Variants in MYO16 observed in about 807,000 individuals in gnomAD.
The protein encoded by MYO16 is unconventional myosin-XVI.
In MYO16, 94 loss-of-function variants were observed where a neutral mutation model predicts 205.3. The ratio of observed to expected loss-of-function variants is 0.46; its 90% CI spans 0.39 to 0.54. MYO16 has a LOEUF of 0.54. MYO16 is among the 20% of genes least tolerant of loss of function. The pLI is 0.00. For synonymous variants in MYO16, 988 were observed against 954.0 expected (o/e 1.04, Z -0.66); for missense variants, 2,315 against 2,387.5 (o/e 0.97, Z 0.63).
intron 27 of MYO16, among the ~76,000 whole-genome samples, chr13:109,090,967 T>C (rs1349572996): frequency 6.6e-6 from 1 of 152,192 alleles, no homozygotes; most frequent in African/African-American, 2.4e-5. Context: ...GTTTTCTTGA[T>C]GTATGTCAGT....
Position 109,141,037 on chromosome 13 carries a change from T to C in MYO16, c.4825T>C (p.Tyr1609His), listed in dbSNP as rs1002607566. ...PPPPGPPPAPYRPCAHLAFPP... is the reference protein window; with the variant it reads ...PPPPGPPPAPHRPCAHLAFPP... ...CCCGCCCGGGCCGCCCCCCGCGCCC[T>C]ACAGGCCCTGCGCGCACTTGGCCTT... The change falls in exon 32 of 35, where the codon TAC (tyrosine) becomes CAC (histidine). Residue 1609 changes from tyrosine (Y) to histidine (H), a missense_variant. Transcript: ENST00000457511. This position sits in a 1 kb window ranked among gnomAD's most constrained non-coding sequence, Gnocchi z 4.1. 412 of 1,370,090 alleles carry C rather than the reference T, an allele frequency of 3.0e-4. No individual in the cohort carries two copies. The highest frequency in any genetic ancestry group is 3.6e-4 in the Non-Finnish European group (387 of 1,069,552). 84.9% of individuals were successfully genotyped at this position (1,370,090 alleles called of 1,614,324 possible).
In MYO16 at chr13:108,608,583, A is replaced by G. The variant is rs558826004; in HGVS notation, c.-39+12344A>G. ...ACATAATAAATACACACACGCATACATATACACATACATAAATACATATAT... is the reference window on the plus strand; with the variant it reads ...ACATAATAAATACACACACGCATACGTATACACATACATAAATACATATAT... On this transcript the variant is annotated intron_variant, in intron 1 of 24. Transcript: ENST00000251041. Among the ~76,000 whole-genome samples the G allele has an allele frequency of 2.6e-5, 4 of 152,266 alleles. No homozygotes were observed. In the East Asian group the frequency reaches 7.7e-4, roughly 29 times the overall value.
intron 4 of MYO16, among the ~76,000 whole-genome samples, chr13:108,756,921 C>T (rs1053215679): frequency 6.6e-6 from 1 of 152,150 alleles, no homozygotes; most frequent in African/African-American, 2.4e-5. Flanking sequence ...TTTTACAACA[C>T]AGTCTATGGG....
chr13:108,621,608 A>G (rs1879544887), intron 1 of MYO16, among the ~76,000 whole-genome samples: 1 of 152,034 alleles, frequency 6.6e-6, no homozygotes, highest in African/African-American at 2.4e-5. Flanking sequence ...TCTACTCCTG[A>G]CATCCAGTCA....
In MYO16 at chr13:108,964,036, G is replaced by A. The variant is rs189427090; in HGVS notation, c.2228-725G>A. 3.3e-5 allele frequency among the ~76,000 whole-genome samples: 5 copies of A among 152,228 alleles called. 1 individual carries two copies. Among genetic ancestry groups the A allele is most frequent in the Admixed American group, 2.6e-4 (4 of 15,290 alleles). On this transcript the variant is annotated intron_variant, in intron 19 of 34. Transcript: ENST00000457511. ...TAACAGATTGGAAACACCTCAACCC[G>A]CATTGCACGTGGACCCCGCCCTGTT...
At chr13:108,746,255 G>A (rs964341214) in intron 4 of MYO16, among the ~76,000 whole-genome samples, 1 of 152,032 alleles carries the variant, frequency 6.6e-6, no homozygotes, top group East Asian at 1.9e-4. Context: ...GAATGCCTTT[G>A]ATGGGCTCCT....
chr13:108,860,217 A>G (rs1356434835), intron 11 of MYO16, among the ~76,000 whole-genome samples: 1 of 152,090 alleles, frequency 6.6e-6, no homozygotes, highest in Non-Finnish European at 1.5e-5. Flanking sequence ...CTTTGCATTC[A>G]TAAGTTCCTA....
intron 16 of MYO16, among the ~76,000 whole-genome samples, chr13:108,952,710 A>G (rs1883202500): frequency 6.6e-6 from 1 of 152,170 alleles, no homozygotes; most frequent in Non-Finnish European, 1.5e-5. Context: ...CAAAACAGCA[A>G]TTACTCTTCA....
intron 1 of MYO16, among the ~76,000 whole-genome samples, chr13:108,617,233 A>G (rs1402930767): frequency 6.6e-6 from 1 of 152,134 alleles, no homozygotes; most frequent in Non-Finnish European, 1.5e-5. Flanking sequence ...GACCCACCCC[A>G]GAGATTTGGA....
intron 2 of MYO16, among the ~76,000 whole-genome samples, chr13:108,706,161 C>A (rs868246444): frequency 6.6e-6 from 1 of 152,008 alleles, no homozygotes; most frequent in East Asian, 1.9e-4. Flanking sequence ...AAACCTTCTA[C>A]CAGGTAATTA....
chr13:108,910,549 C>A (rs1465831916), intron 16 of MYO16, among the ~76,000 whole-genome samples: 1 of 152,206 alleles, frequency 6.6e-6, no homozygotes, highest in Admixed American at 6.5e-5. Context: ...TTAAGATGCA[C>A]AGCACACATA....
intron 4 of MYO16, among the ~76,000 whole-genome samples, chr13:108,778,098 T>C (rs1277401063): frequency 2.6e-5 from 4 of 152,190 alleles, no homozygotes; most frequent in Non-Finnish European, 2.9e-5. Context: ...AGTCCTAATA[T>C]TTACTTTCCC....
chr13:108,829,925 C>G (rs926329450), intron 9 of MYO16, among the ~76,000 whole-genome samples: 1 of 149,890 alleles, frequency 6.7e-6, no homozygotes, highest in South Asian at 2.1e-4. Flanking sequence ...AAAAAACAAA[C>G]AACCCCATCA....
upstream of MYO16, among the ~76,000 whole-genome samples, chr13:108,595,195 A>C (rs77405785): frequency 0.015 from 2,302 of 152,230 alleles, 59 homozygotes; most frequent in African/African-American, 0.052. Flanking sequence ...ATACATATGG[A>C]TTTCTTTCAG....
At chr13:109,206,165 T>C (rs536213428) in intron 34 of MYO16, among the ~76,000 whole-genome samples, 1 of 152,284 alleles carries the variant, frequency 6.6e-6, no homozygotes, top group Non-Finnish European at 1.5e-5. Context: ...ATAGTCATGT[T>C]TGACTATTAA....
chr13:109,201,436 G>A (rs1249230905), intron 34 of MYO16: 1 of 123,298 alleles, frequency 8.1e-6, no homozygotes, highest in Non-Finnish European at 1.6e-5. Context: ...TAATTCCAGT[G>A]TTGTTAATTC....
intron 16 of MYO16, among the ~76,000 whole-genome samples, chr13:108,914,935 G>A (rs898358127): frequency 6.6e-6 from 1 of 152,146 alleles, no homozygotes; most frequent in Non-Finnish European, 1.5e-5. Context: ...GAACCACTGC[G>A]CCCGACCTGT....
At chr13:108,668,625 A>C (rs748628461) in intron 2 of MYO16, among the ~76,000 whole-genome samples, 2 of 152,170 alleles carry the variant, frequency 1.3e-5, no homozygotes, top group Non-Finnish European at 2.9e-5. Context: ...CAACATCAAC[A>C]GTGATGGATA....
chr13:108,586,415 A>T, the MYO16 span, among the ~76,000 whole-genome samples: 1 of 152,290 alleles, frequency 6.6e-6, no homozygotes, highest in Non-Finnish European at 1.5e-5. Context: ...AAATATTTAT[A>T]ATGGGCTGGG....
Sources: allele counts gnomAD v4.1 joint callset (sites outside exome capture counted in the v4.1 genomes callset), GRCh38; gene constraint gnomAD v4.1.1; non-coding constraint Gnocchi (gnomAD v3.1); transcripts MANE v1.5; gene names NCBI Gene and HGNC (gene_info 2026-07-23, HGNC 2026-07-21).